BCL9L: variants seen among roughly 807,000 people sequenced by gnomAD.
The protein encoded by BCL9L is BCL9 like.
Under a neutral mutation model 99.4 loss-of-function variants are expected in BCL9L, and 19 were observed. The observed-to-expected ratio is 0.19, with a 90% CI of 0.13 to 0.28. The LOEUF (loss-of-function observed/expected upper bound fraction) is 0.28, where lower values mean the gene tolerates loss of function less well. BCL9L is among the 10% of genes least tolerant of loss of function. BCL9L has a pLI of 1.00. For missense variants in BCL9L, 2,023 were observed against 2,101.6 expected, an observed-to-expected ratio of 0.96 and a Z score of 0.73; for synonymous variants, 900 against 854.8, an observed-to-expected ratio of 1.05 and a Z score of -0.92.
At chr11:118,905,208 C>T (rs1478189977) in intron 5 of BCL9L, among the ~76,000 whole-genome samples, 1 of 152,134 alleles carries the variant, frequency 6.6e-6, no homozygotes, top group African/African-American at 2.4e-5. Context: ...AGTAAGAACT[C>T]TTCAAGAATC....
Position 118,918,517 on chromosome 11 carries a change from G to T in BCL9L, c.-77+309C>A, listed in dbSNP as rs550569933. 5.4e-4 allele frequency among the ~76,000 whole-genome samples: 82 copies of T among 152,082 alleles called. 1 individual carries two copies. Among genetic ancestry groups the T allele is most frequent in the African/African-American group, 1.8e-3 (75 of 41,490 alleles). ...TCCCGCAGGGTGGGGCGGGTGGGGG[G>T]TGAGATCCGCTGAGATAGAGAAGGG... On this transcript the variant is annotated intron_variant, in intron 2 of 9. Coordinates refer to ENST00000683865, the MANE Select transcript of BCL9L (RefSeq NM_001378213.1).
At position 118,903,323 on chromosome 11, in the gene BCL9L, G is replaced by A. The variant is rs1220802593; in HGVS notation, c.662C>T (p.Ala221Val). 3 of 1,585,080 alleles carry A rather than the reference G, an allele frequency of 1.9e-6. No individual in the cohort carries two copies. Among genetic ancestry groups the A allele is most frequent in the Non-Finnish European group, 2.6e-6 (3 of 1,167,040 alleles). ...CCCGCCCCCGCCCCCGCCCCCAGGG[G>A]CATCAGGCCGAAGGCCAGGAGGAGG... Reference protein sequence around the residue: ...HGPPPGLRPDAPGGGGGGGGV... With the variant: ...HGPPPGLRPDVPGGGGGGGGV... Residue 221 changes from alanine to valine, a missense_variant, in exon 6 of 10, where the codon GCC (alanine) becomes GTC (valine). Physicochemically the swap from Ala to Val is moderately conservative, Grantham distance 64. This residue lies in a region of BCL9L where 1,116 missense variants were observed against 1,194.6 expected (regional missense o/e 0.93). Coordinates refer to ENST00000683865, the MANE Select transcript of BCL9L (RefSeq NM_001378213.1). This position sits in a 1 kb window ranked among gnomAD's most constrained non-coding sequence, Gnocchi z 5.6.
intron 1 of BCL9L, among the ~76,000 whole-genome samples, chr11:118,919,944 C>A (rs1215730605): frequency 6.6e-6 from 1 of 152,176 alleles, no homozygotes; most frequent in Non-Finnish European, 1.5e-5. Flanking sequence ...CTTGCCCAGG[C>A]CCTCCCCCTG....
At chr11:118,910,761 G>C (rs1940755230) in intron 2 of BCL9L, 1 of 156,938 alleles carries the variant, frequency 6.4e-6, no homozygotes, top group Non-Finnish European at 1.4e-5. Context: ...GACAAGTCCC[G>C]CCAGGGGCTG....
intron 1 of BCL9L, among the ~76,000 whole-genome samples, chr11:118,923,311 C>T (rs1941196505): frequency 6.6e-6 from 1 of 152,184 alleles, no homozygotes; most frequent in Non-Finnish European, 1.5e-5. Context: ...TAGGCCCCTG[C>T]CCAGAGGCTA....
intron 5 of BCL9L, among the ~76,000 whole-genome samples, chr11:118,904,163 G>A (rs144963594): frequency 9.4e-4 from 143 of 152,282 alleles, no homozygotes; most frequent in African/African-American, 3.2e-3. Context: ...ACAGAGAGCC[G>A]GGAGCGGTGT....
Position 118,902,234 on chromosome 11 carries a change from C to T in BCL9L, c.1509G>A (p.Met503Ile), listed in dbSNP as rs139444043. The T allele has an allele frequency of 1.2e-5, 20 of 1,611,846 alleles. No homozygotes were observed. The South Asian group carries it at 2.0e-4, about 16-fold the overall frequency. Residue 503 changes from methionine to isoleucine, a missense_variant, in exon 8 of 10, where the codon ATG becomes ATA. This residue lies in a region of BCL9L where 1,116 missense variants were observed against 1,194.6 expected (regional missense o/e 0.93). Transcript: ENST00000683865. This position sits in a 1 kb window ranked among gnomAD's most constrained non-coding sequence, Gnocchi z 7.8. ...PGGDMGQQMNMMIQRLGQDSL... is the reference protein window; with the variant it reads ...PGGDMGQQMNIMIQRLGQDSL... The stretch of plus-strand genomic sequence containing the variant: ...TGTCCTGGCCCAGCCTCTGTATCAT[C>T]ATGTTCATCTGCTGCCCCATGTCCC...
intron 2 of BCL9L, chr11:118,910,987 G>A (rs1487552060): frequency 7.4e-6 from 2 of 271,846 alleles, no homozygotes; most frequent in Non-Finnish European, 1.5e-5. Flanking sequence ...GGCACGCGCA[G>A]ACACCGGGGC....
In BCL9L at chr11:118,903,317, C is replaced by A; in HGVS notation, c.668G>T (p.Gly223Val). Reference sequence around the variant, plus strand: ...GACGCCCCCGCCCCCGCCCCCGCCCCCAGGGGCATCAGGCCGAAGGCCAGG... The same window carrying A: ...GACGCCCCCGCCCCCGCCCCCGCCCACAGGGGCATCAGGCCGAAGGCCAGG... ...PPPGLRPDAPGGGGGGGGVPG... is the reference protein window; with the variant it reads ...PPPGLRPDAPVGGGGGGGVPG... Residue 223 changes from glycine (G) to valine (V), a missense_variant, in exon 6 of 10, where the codon GGG becomes GTG. Physicochemically the swap from Gly to Val is moderately radical, Grantham distance 109 (BLOSUM62 -3). Around this residue, in one of 3 missense-constraint regions of BCL9L, gnomAD observed 1,116 missense variants for 1,194.6 expected, o/e 0.93. Coordinates refer to ENST00000683865, the MANE Select transcript of BCL9L (RefSeq NM_001378213.1). The surrounding 1 kb of genome is among the most constrained non-coding windows in gnomAD (Gnocchi z 5.6). 6.3e-7 allele frequency: 1 copy of A among 1,583,518 alleles called. No homozygotes were observed. The highest frequency in any genetic ancestry group is 2.1e-4 in the Middle Eastern group (1 of 4,658).
rs1940063988 is a variant in BCL9L, at chr11:118,898,957, C to T, written c.3958G>A (p.Gly1320Arg). The change falls in exon 10 of 10, where the codon GGG (glycine) becomes AGG (arginine). Residue 1320 changes from glycine (G) to arginine (R), a missense_variant. Around this residue, in one of 3 missense-constraint regions of BCL9L, gnomAD observed 902 missense variants for 888.2 expected, o/e 1.02. Transcript: ENST00000683865. ...LSEVIRPTPT[G>R]IPEFDLSRII... ...CTCGACAAGTCGAACTCGGGGATCC[C>T]CGTTGGGGTGGGCCGGATCACCTCG... is the stretch of plus-strand genomic sequence containing the variant. 1 of 1,612,660 alleles carries T rather than the reference C, an allele frequency of 6.2e-7. No homozygotes were observed. Among genetic ancestry groups the T allele is most frequent in the Admixed American group, 1.7e-5 (1 of 59,914 alleles).
chr11:118,910,981 C>T (rs1418235803), intron 2 of BCL9L: 1 of 270,410 alleles, frequency 3.7e-6, no homozygotes, highest in South Asian at 3.2e-5. Flanking sequence ...GCCTGGGGCA[C>T]GCGCAGACAC....
At chr11:118,919,349 G>T (rs1316792179) in intron 1 of BCL9L, among the ~76,000 whole-genome samples, 2 of 151,812 alleles carry the variant, frequency 1.3e-5, no homozygotes, top group Non-Finnish European at 2.9e-5. Flanking sequence ...TCAGGGAAAA[G>T]AATGGCTGTG....
chr11:118,905,678 G>A (rs544238845), intron 5 of BCL9L, among the ~76,000 whole-genome samples: 8 of 151,790 alleles, frequency 5.3e-5, no homozygotes, highest in African/African-American at 1.9e-4. Context: ...TTAGCCAGGC[G>A]TGGTGGCAGG....
intron 5 of BCL9L, among the ~76,000 whole-genome samples, chr11:118,904,640 A>G (rs1940432728): frequency 6.6e-6 from 1 of 152,214 alleles, no homozygotes; most frequent in African/African-American, 2.4e-5. Context: ...TCGCATGCCA[A>G]GAAAAGCAAG....
chr11:118,910,009 G>A lies in BCL9L; in HGVS notation c.-70C>T, dbSNP rs1940712694. On this transcript the variant is annotated 5_prime_UTR_variant, in exon 3 of 10. Coordinates refer to ENST00000683865, the MANE Select transcript of BCL9L (RefSeq NM_001378213.1). The stretch of plus-strand genomic sequence containing the variant: ...GCCCAGCCAGGTACTCGGTACTGGA[G>A]CACGGACTGCAGCAACAAGCCCCAA... The A allele has an allele frequency of 6.2e-7, 1 of 1,605,564 alleles. No individual in the cohort carries two copies. The highest frequency in any genetic ancestry group is 1.7e-5 in the Admixed American group (1 of 59,932).
At chr11:118,909,223 G>A (rs1244042894) in intron 3 of BCL9L, among the ~76,000 whole-genome samples, 8 of 152,160 alleles carry the variant, frequency 5.3e-5, no homozygotes, top group Non-Finnish European at 1.2e-4. Context: ...AGGGGGGCTT[G>A]GCAGGCCAGG....
chr11:118,923,375 C>A (rs1941198250), intron 1 of BCL9L, among the ~76,000 whole-genome samples: 1 of 152,194 alleles, frequency 6.6e-6, no homozygotes, highest in South Asian at 2.1e-4. Flanking sequence ...CCGCTTAACC[C>A]AGGTACCAGG....
Position 118,900,762 on chromosome 11 carries a change from C to A in BCL9L, c.2981G>T (p.Arg994Met). The A allele has an allele frequency of 6.2e-7, 1 of 1,613,764 alleles. No homozygotes were observed. Among genetic ancestry groups the A allele is most frequent in the Non-Finnish European group, 8.5e-7 (1 of 1,179,914 alleles). Residue 994 changes from arginine (R) to methionine (M), a missense_variant, in exon 8 of 10, where the codon AGG (arginine) becomes ATG (methionine). Physicochemically the swap from Arg to Met is moderately conservative, Grantham distance 91. Transcript: ENST00000683865. The surrounding 1 kb of genome is among the most constrained non-coding windows in gnomAD (Gnocchi z 5.3). ...SVRSPTGSPS[R>M]LKSPSMAVPS... is the part of the protein sequence containing the mutation. The stretch of plus-strand genomic sequence containing the variant: ...CACCGCCATGGAAGGAGACTTGAGC[C>A]TGCTGGGCGAGCCAGTGGGTGAACG...
intron 5 of BCL9L, among the ~76,000 whole-genome samples, chr11:118,904,396 C>G (rs1250579749): frequency 6.6e-6 from 1 of 152,104 alleles, no homozygotes; most frequent in Non-Finnish European, 1.5e-5. Flanking sequence ...GCCGAGATCA[C>G]ACCATTGCAC....
Sources: gnomAD v4.1 joint callset for allele counts (sites outside exome capture counted in the v4.1 genomes callset) on GRCh38, gnomAD v4.1.1 for gene constraint, gnomAD v4.1.1 regional missense constraint, Gnocchi (gnomAD v3.1) non-coding constraint, MANE v1.5 for transcripts, NCBI Gene and HGNC (gene_info 2026-07-23, HGNC 2026-07-21) for gene names.